Variants in IZUMO1 observed in about 807,000 individuals in gnomAD.
The protein encoded by IZUMO1 is izumo sperm-oocyte fusion 1.
IZUMO1 carries 44 observed loss-of-function variants against 40.7 expected under a neutral mutation model. That is an observed-to-expected ratio of 1.08 (90% CI 0.85 to 1.39). IZUMO1 has a LOEUF of 1.39. IZUMO1 is among the 40% of genes most tolerant of loss of function. The pLI is 0.00. For synonymous variants in IZUMO1, 149 were observed against 170.9 expected, an observed-to-expected ratio of 0.87 and a Z score of 1.00; for missense variants, 368 against 436.9, an observed-to-expected ratio of 0.84 and a Z score of 1.41.
rs147013345 is a variant in IZUMO1 at position 48,741,829 on chromosome 19, C to G, written c.714G>C (p.Val238=). The change falls in exon 8 of 10, where the codon GTG becomes GTC. Residue 238 remains valine (V), a synonymous_variant. Transcript: ENST00000332955. The surrounding 1 kb of genome is among the most constrained non-coding windows in gnomAD (Gnocchi z 4.4). The stretch of plus-strand genomic sequence containing the variant: ...TGATGATCGTGGCTGGGCTGGAATT[C>G]ACAGAGCCCAGCTCGCAGCGGTAGC... The part of the protein sequence containing the change: ...AGSYRCELGS[V]NSSPATIINF... The G allele has an allele frequency of 1.2e-6, 2 of 1,605,738 alleles. No homozygotes were observed. Among genetic ancestry groups the G allele is most frequent in the African/African-American group, 2.7e-5 (2 of 74,750 alleles).
chr19:48,745,864 G>A lies in IZUMO1; in HGVS notation c.-5C>T. Reference sequence around the variant, plus strand: ...GAGGGTAAAATGCGGCCCCATTGCAGCCGGCGCGCACAGTTCCCGAAGACC... The same window carrying A: ...GAGGGTAAAATGCGGCCCCATTGCAACCGGCGCGCACAGTTCCCGAAGACC... On this transcript the variant is annotated 5_prime_UTR_variant, in exon 2 of 10. Transcript: ENST00000332955. 6.2e-7 allele frequency: 1 copy of A among 1,614,102 alleles called. No homozygotes were observed. Among genetic ancestry groups the A allele is most frequent in the African/African-American group, 1.3e-5 (1 of 75,048 alleles).
chr19:48,745,459 A>T (rs1316105121), intron 2 of IZUMO1, 166 bp downstream of exon 2: 4 of 1,042,170 alleles, frequency 3.8e-6, no homozygotes, highest in Non-Finnish European at 5.6e-6. Flanking sequence ...TTGCCAGCCG[A>T]GGATAGGGAA....
At position 48,741,102 on chromosome 19, in the gene IZUMO1, C is replaced by G. The variant is rs2033672385; in HGVS notation, c.933-74G>C. On this transcript the variant is annotated intron_variant, in intron 9 of 9. Coordinates refer to ENST00000332955, the MANE Select transcript of IZUMO1 (RefSeq NM_182575.3). The surrounding 1 kb of genome is among the most constrained non-coding windows in gnomAD (Gnocchi z 4.4). The stretch of plus-strand genomic sequence containing the variant: ...TTGTGTGGGGGACACCCCTCCCAAC[C>G]TCCCCCTTTGTGACCTTATTCTAGC... 6.3e-6 allele frequency: 10 copies of G among 1,593,884 alleles called. No individual in the cohort carries two copies. In the South Asian group the frequency reaches 1.1e-4, roughly 18 times the overall value.
At position 48,746,120 on chromosome 19, in the gene IZUMO1, C is replaced by G. The variant is rs149140434; in HGVS notation, c.-73-188G>C. 1.3e-3 allele frequency: 1,813 copies of G among 1,347,976 alleles called. 19 individuals are homozygous for G. The African/African-American group carries it at 0.022, about 16-fold the overall frequency. 83.5% of individuals were successfully genotyped at this position (1,347,976 alleles called of 1,614,324 possible). On this transcript the variant is annotated intron_variant, in intron 1 of 9. Coordinates refer to ENST00000332955, the MANE Select transcript of IZUMO1 (RefSeq NM_182575.3). ...GGGGACCCAAAATTTAGGGTTCTCA[C>G]TGAATCCCCCAACTGAGAGATCAGA...
rs761863625 is a variant in IZUMO1, at chr19:48,745,622, C to CT, written c.235+2_235+3insA. The CT allele has an allele frequency of 1.2e-6, 2 of 1,614,156 alleles. No individual in the cohort carries two copies. The highest frequency in any genetic ancestry group is 2.2e-5 in the South Asian group (2 of 91,080). The stretch of plus-strand genomic sequence containing the variant: ...AGGGGTCCGTGGTCCCCCCTGCCCT[C>CT]ACCAACGACCCCCATATAGGCATCC... On this transcript the variant is annotated splice_region_variant and intron_variant, in intron 2 of 9. Coordinates refer to ENST00000332955, the MANE Select transcript of IZUMO1 (RefSeq NM_182575.3).
In IZUMO1 at chr19:48,742,235, C is replaced by CT; in HGVS notation, c.573dup (p.Gly192ArgfsTer4). 6.2e-7 allele frequency: 1 copy of CT among 1,614,010 alleles called. No individual in the cohort carries two copies. ...CTGTAAAAGCTGTAATCAGTGAGGC[C>CT]TTCCGAAGCCTGATGCCAGTTTAAC... On this transcript the variant is annotated frameshift_variant, in exon 7 of 10. Coordinates refer to ENST00000332955, the MANE Select transcript of IZUMO1 (RefSeq NM_182575.3). LOFTEE classifies it high-confidence loss of function.
chr19:48,745,101 A>G (rs2033839964), intron 3 of IZUMO1, 113 bp downstream of exon 3: 3 of 842,318 alleles, frequency 3.6e-6, no homozygotes, highest in Non-Finnish European at 2.0e-6. Flanking sequence ...CAGAGCAGGC[A>G]TTGGAATCTA....
chr19:48,741,781 G>C lies in IZUMO1; in HGVS notation c.754+8C>G. ...ATCCTACACTTCTCTCAGCCCCACA[G>C]CACTGACCTGTGACGTGAAAATTGA... On this transcript the variant is annotated splice_region_variant and intron_variant, in intron 8 of 9. Coordinates refer to ENST00000332955, the MANE Select transcript of IZUMO1 (RefSeq NM_182575.3). This position sits in a 1 kb window ranked among gnomAD's most constrained non-coding sequence, Gnocchi z 4.4. 6.4e-7 allele frequency: 1 copy of C among 1,572,052 alleles called. No individual in the cohort carries two copies.
chr19:48,743,934 T>C (rs1349011303), intron 5 of IZUMO1: 2 of 526,446 alleles, frequency 3.8e-6, no homozygotes, highest in Non-Finnish European at 6.8e-6. Flanking sequence ...GAGGTTGCAG[T>C]GAGCCGTGAT....
chr19:48,741,086 G>A lies in IZUMO1; in HGVS notation c.933-58C>T. On this transcript the variant is annotated intron_variant, in intron 9 of 9. Transcript: ENST00000332955. This position sits in a 1 kb window ranked among gnomAD's most constrained non-coding sequence, Gnocchi z 4.4. ...CCGGTTTGGGTACTAATTGTGTGGG[G>A]GACACCCCTCCCAACCTCCCCCTTT... The A allele has an allele frequency of 1.9e-6, 3 of 1,605,098 alleles. No homozygotes were observed. The highest frequency in any genetic ancestry group is 2.1e-4 in the Middle Eastern group (1 of 4,706).
rs756460523 is a variant in IZUMO1 at position 48,741,376 on chromosome 19, TC to T, written c.856del (p.Glu286ArgfsTer12). On this transcript the variant is annotated frameshift_variant, in exon 9 of 10. Transcript: ENST00000332955. LOFTEE classifies it high-confidence loss of function. This position sits in a 1 kb window ranked among gnomAD's most constrained non-coding sequence, Gnocchi z 4.4. Reference sequence around the variant, plus strand: ...CAGAAGGCGGCTTGCCAGCATTTTCTCGGGCTGCAGAGGCTGGAGGCTTATG... The same window carrying T: ...CAGAAGGCGGCTTGCCAGCATTTTCTGGGCTGCAGAGGCTGGAGGCTTATG... ...SSISLQPLQPEKMLASRLLGL... is the reference protein window; with the variant it reads ...SSISLQPLQPXKMLASRLLGL... The T allele has an allele frequency of 1.2e-6, 2 of 1,613,164 alleles. No individual in the cohort carries two copies. The highest frequency in any genetic ancestry group is 1.7e-6 in the Non-Finnish European group (2 of 1,179,850).
At position 48,746,728 on chromosome 19, in the gene IZUMO1, G is replaced by A; in HGVS notation, c.-367C>T. On this transcript the variant is annotated 5_prime_UTR_variant, in exon 1 of 10. Transcript: ENST00000332955. The stretch of plus-strand genomic sequence containing the variant: ...GGAAGCCGGGGTCATGACCACCTAC[G>A]CTAATTTTCCCAGGGGTAAAATCAA... 1.0e-6 allele frequency: 1 copy of A among 985,408 alleles called. No individual in the cohort carries two copies. The highest frequency in any genetic ancestry group is 1.2e-6 in the Non-Finnish European group (1 of 829,922). The allele number at this position is 985,408 out of a possible 1,614,324, so 61.0% of individuals were successfully genotyped here. A position where few individuals can be genotyped will look rare whatever the true frequency, so the allele number is the denominator to read the frequency against.
At position 48,741,670 on chromosome 19, in the gene IZUMO1, G is replaced by A; in HGVS notation, c.754+119C>T. On this transcript the variant is annotated intron_variant, in intron 8 of 9. Transcript: ENST00000332955. This position sits in a 1 kb window ranked among gnomAD's most constrained non-coding sequence, Gnocchi z 4.4. ...CCCCCGGCAGGAAGCCACACCCCGT[G>A]CCCCGAAACCACACCCAACAGGAAG... is the stretch of plus-strand genomic sequence containing the variant. The A allele has an allele frequency of 7.4e-7, 1 of 1,345,892 alleles. No individual in the cohort carries two copies. Among genetic ancestry groups the A allele is most frequent in the Non-Finnish European group, 1.0e-6 (1 of 1,003,102 alleles). The allele number at this position is 1,345,892 out of a possible 1,614,324, so 83.4% of individuals were successfully genotyped here.
Position 48,746,720 on chromosome 19 carries a change from C to A in IZUMO1, c.-359G>T, listed in dbSNP as rs923177445. On this transcript the variant is annotated 5_prime_UTR_variant, in exon 1 of 10. Transcript: ENST00000332955. ...TTTAAAGAGGAAGCCGGGGTCATGA[C>A]CACCTACGCTAATTTTCCCAGGGGT... 7.7e-5 allele frequency: 76 copies of A among 985,330 alleles called. No individual in the cohort carries two copies. Among genetic ancestry groups the A allele is most frequent in the Non-Finnish European group, 8.9e-5 (74 of 829,944 alleles). 61.0% of individuals were successfully genotyped at this position (985,330 alleles called of 1,614,324 possible). A position where few individuals can be genotyped will look rare whatever the true frequency, so the allele number is the denominator to read the frequency against.
intron 4 of IZUMO1, 128 bp from the exon 5 acceptor site, chr19:48,744,323 A>G: frequency 8.1e-7 from 1 of 1,228,286 alleles, no homozygotes; most frequent in Admixed American, 1.7e-5. Flanking sequence ...GGGAGAAAAG[A>G]CTTGGGTCTG....
In IZUMO1 at chr19:48,741,931, G is replaced by T; in HGVS notation, c.612C>A (p.Asn204Lys). 6.2e-7 allele frequency: 1 copy of T among 1,603,682 alleles called. No homozygotes were observed. The highest frequency in any genetic ancestry group is 8.5e-7 in the Non-Finnish European group (1 of 1,173,234). The change falls in exon 8 of 10, where the codon AAC becomes AAA. Residue 204 changes from asparagine to lysine, a missense_variant. Physicochemically the swap from Asn to Lys is moderately conservative, Grantham distance 94. Transcript: ENST00000332955. This position sits in a 1 kb window ranked among gnomAD's most constrained non-coding sequence, Gnocchi z 4.4. ...TDYSFYRVWG[N>K]NTETLVSKGK... ...CCTTGGACACCAAGGTCTCCGTATT[G>T]TTCCCCCAAACCTAGACCCAAGCTC... is the stretch of plus-strand genomic sequence containing the variant.
intron 2 of IZUMO1, 91 bp from the exon 3 acceptor site, chr19:48,745,379 G>C (rs1257590229): frequency 1.8e-5 from 22 of 1,233,614 alleles, no homozygotes. Context: ...AGGCCACTGG[G>C]CAAAGATAGG....
chr19:48,746,030 C>G (rs1228424538), intron 1 of IZUMO1, 98 bp from the exon 2 acceptor site: 1 of 1,441,210 alleles, frequency 6.9e-7, no homozygotes, highest in African/African-American at 1.4e-5. Flanking sequence ...CAGGAAATCT[C>G]CAAATAAAGA....
In IZUMO1 at chr19:48,745,896, A is replaced by T; in HGVS notation, c.-37T>A. On this transcript the variant is annotated 5_prime_UTR_variant, in exon 2 of 10. Transcript: ENST00000332955. ...CGCACAGTTCCCGAAGACCGTTAGG[A>T]AGGGTGCTCTCACCCCAAACCGAGA... The T allele has an allele frequency of 6.2e-7, 1 of 1,610,206 alleles. No individual in the cohort carries two copies. Among genetic ancestry groups the T allele is most frequent in the Non-Finnish European group, 8.5e-7 (1 of 1,176,902 alleles).
Sources: allele counts gnomAD v4.1 joint callset, GRCh38; gene constraint gnomAD v4.1.1; non-coding constraint Gnocchi (gnomAD v3.1); transcripts MANE v1.5; gene names NCBI Gene and HGNC (gene_info 2026-07-23, HGNC 2026-07-21).